The following M1AP variants were observed in gnomAD, a reference collection of about 807,000 sequenced individuals.
M1AP encodes meiosis 1 arrest protein.
M1AP carries 39 observed loss-of-function variants against 51.2 expected under a neutral mutation model. That is an observed-to-expected ratio of 0.76 (90% CI 0.59 to 1.00). The LOEUF (loss-of-function observed/expected upper bound fraction) is 1.00, where lower values mean the gene tolerates loss of function less well. Among genes scored for constraint, M1AP ranks in the 50% least tolerant of loss-of-function variants. The pLI, the probability that M1AP is intolerant of heterozygous loss-of-function variation, is 0.00. For synonymous variants in M1AP, 251 were observed against 249.2 expected, an observed-to-expected ratio of 1.01 and a Z score of -0.07; for missense variants, 545 against 641.2, an observed-to-expected ratio of 0.85 and a Z score of 1.62.
chr2:74,618,918 TG>T, intron 2 of M1AP: 1 of 532,406 alleles, frequency 1.9e-6, no homozygotes. Context: ...TTCTTGTCTT[TG>T]GGGAAAAGCG....
chr2:74,592,755 GTTTTC>G (rs1573110400), intron 4 of M1AP, among the ~76,000 whole-genome samples: 1 of 152,166 alleles, frequency 6.6e-6, no homozygotes, highest in African/African-American at 2.4e-5. Context: ...ATTCACCAAT[GTTTTC>G]TTTTAATACT....
intron 2 of M1AP, among the ~76,000 whole-genome samples, chr2:74,619,711 T>C (rs1681891652): frequency 6.6e-6 from 1 of 152,198 alleles, no homozygotes; most frequent in African/African-American, 2.4e-5. Flanking sequence ...AACTAATCCA[T>C]AGTGTTCATC....
At chr2:74,586,753 C>A (rs1305753727) in intron 4 of M1AP, among the ~76,000 whole-genome samples, 3 of 152,200 alleles carry the variant, frequency 2.0e-5, no homozygotes, top group African/African-American at 7.2e-5. Flanking sequence ...GTAATCCCAG[C>A]ACTTTGGGAG....
intron 7 of M1AP, among the ~76,000 whole-genome samples, chr2:74,566,407 A>G (rs892546525): frequency 5.3e-5 from 8 of 152,192 alleles, no homozygotes; most frequent in African/African-American, 1.9e-4. Flanking sequence ...GGATCTGGAA[A>G]AAAATGAGTA....
chr2:74,559,854 G>T, intron 9 of M1AP, 145 bp from the exon 10 acceptor site: 2 of 670,300 alleles, frequency 3.0e-6, no homozygotes, highest in Admixed American at 4.5e-5. Flanking sequence ...CACGAGGACT[G>T]TGGTTATAGT....
At position 74,572,332 on chromosome 2, in the gene M1AP, T is replaced by C. The variant is rs558285549; in HGVS notation, c.1074+3106A>G. Among the ~76,000 whole-genome samples, 39 of 152,274 alleles carry C rather than the reference T, an allele frequency of 2.6e-4. 1 individual carries two copies. Among genetic ancestry groups the C allele is most frequent in the Non-Finnish European group, 5.1e-4 (35 of 68,014 alleles). On this transcript the variant is annotated intron_variant, in intron 7 of 10. Coordinates refer to ENST00000421985, the MANE Select transcript of M1AP (RefSeq NM_001321739.2). ...AAATTCTTTTTAAATTTTCTTTCTT[T>C]CCCACCCCCCCTAAGCAGTGTCTCC...
At position 74,640,028 on chromosome 2, in the gene M1AP, A is replaced by G. The variant is rs201287835; in HGVS notation, c.240+8T>C. 1.9e-6 allele frequency: 3 copies of G among 1,611,246 alleles called. No individual in the cohort carries two copies. The highest frequency in any genetic ancestry group is 2.7e-5 in the African/African-American group (2 of 74,956). ...CAGGGTAAAATGAATAAATATAGAT[A>G]TACTTACCACAAAAGGGAGGATGCA... On this transcript the variant is annotated splice_region_variant and intron_variant, in intron 2 of 10. Transcript: ENST00000421985.
At chr2:74,635,073 T>C (rs1225142817) in intron 2 of M1AP, among the ~76,000 whole-genome samples, 5 of 152,166 alleles carry the variant, frequency 3.3e-5, no homozygotes. Context: ...TATTTTTCTT[T>C]AAATGTTTAG....
chr2:74,586,432 C>T (rs184829881), intron 4 of M1AP, among the ~76,000 whole-genome samples: 284 of 152,270 alleles, frequency 1.9e-3, no homozygotes, highest in Non-Finnish European at 3.3e-3. Flanking sequence ...AGTCTCCTTG[C>T]CACATGACTT....
At position 74,607,028 on chromosome 2, in the gene M1AP, CT is replaced by C. The variant is rs746841087; in HGVS notation, c.595+26del. ...CATTTTCATTAAAATTCTTACAATT[CT>C]TTTTACCTTGTTAAAAAATTCTTAC... On this transcript the variant is annotated intron_variant, in intron 4 of 10. Transcript: ENST00000421985. The C allele has an allele frequency of 6.9e-6, 11 of 1,604,636 alleles. No homozygotes were observed. In the East Asian group the frequency reaches 1.1e-4, roughly 16 times the overall value.
chr2:74,590,791 G>A (rs1679997990), intron 4 of M1AP, among the ~76,000 whole-genome samples: 1 of 152,076 alleles, frequency 6.6e-6, no homozygotes, highest in African/African-American at 2.4e-5. Context: ...TTGCAGGTAC[G>A]GGAGAGAAGG....
chr2:74,639,579 C>A (rs1162106169), intron 2 of M1AP, among the ~76,000 whole-genome samples: 1 of 152,162 alleles, frequency 6.6e-6, no homozygotes, highest in African/African-American at 2.4e-5. Context: ...AAAATATTTT[C>A]ATGTTTTTGC....
In M1AP at chr2:74,640,117, G is replaced by A; in HGVS notation, c.159C>T (p.Cys53=). 1 of 1,614,190 alleles carries A rather than the reference G, an allele frequency of 6.2e-7. No individual in the cohort carries two copies. Among genetic ancestry groups the A allele is most frequent in the Non-Finnish European group, 8.5e-7 (1 of 1,180,008 alleles). The change falls in exon 2 of 11, where the codon TGC becomes TGT. Residue 53 remains cysteine, a synonymous_variant. Coordinates refer to ENST00000421985, the MANE Select transcript of M1AP (RefSeq NM_001321739.2). Reference sequence around the variant, plus strand: ...ACATGCGGCTGGGGCCCATCAAGCTGCAGGCTAGAGAGAAGAAGTTCTGCA... The same window carrying A: ...ACATGCGGCTGGGGCCCATCAAGCTACAGGCTAGAGAGAAGAAGTTCTGCA... ...EALQNFFSLA[C]SLMGPSRMSL... is the part of the protein sequence containing the mutation.
chr2:74,640,439 AC>A, intron 1 of M1AP, 112 bp from the exon 2 acceptor site: 1 of 897,798 alleles, frequency 1.1e-6, no homozygotes, highest in African/African-American at 1.7e-5. Flanking sequence ...CAGATTGGGT[AC>A]TAAAGCTTGT....
chr2:74,641,641 CTTT>C (rs111350730), intron 1 of M1AP, among the ~76,000 whole-genome samples: 2 of 141,020 alleles, frequency 1.4e-5, no homozygotes, highest in African/African-American at 2.6e-5. Context: ...GAATTTCAAT[CTTT>C]TTTTTTTTTT....
chr2:74,571,387 G>A (rs979521322), intron 7 of M1AP, among the ~76,000 whole-genome samples: 59 of 152,230 alleles, frequency 3.9e-4, no homozygotes, highest in Middle Eastern at 3.4e-3. Context: ...GGCTGGAGGG[G>A]AACATTACAG....
At chr2:74,562,623 T>C (rs1029827477) in intron 7 of M1AP, among the ~76,000 whole-genome samples, 200 bp from the exon 8 acceptor site, 5 of 152,174 alleles carry the variant, frequency 3.3e-5, no homozygotes, top group African/African-American at 9.7e-5. Context: ...GTTTGAGATA[T>C]GCCAGAGAGA....
intron 7 of M1AP, among the ~76,000 whole-genome samples, chr2:74,571,752 T>C (rs1678753860): frequency 6.6e-6 from 1 of 152,160 alleles, no homozygotes; most frequent in African/African-American, 2.4e-5. Flanking sequence ...ATCCCAACAC[T>C]TTGGGAGGCT....
At chr2:74,606,225 A>G (rs1387268266) in intron 4 of M1AP, among the ~76,000 whole-genome samples, 2 of 152,212 alleles carry the variant, frequency 1.3e-5, no homozygotes, top group African/African-American at 4.8e-5. Flanking sequence ...AAATTCAAAG[A>G]TAAAATTATT....
Sources: allele counts gnomAD v4.1 joint callset (sites outside exome capture counted in the v4.1 genomes callset), GRCh38; gene constraint gnomAD v4.1.1; transcripts MANE v1.5; gene names NCBI Gene and HGNC (gene_info 2026-07-23, HGNC 2026-07-21).